ECT2: variants seen among roughly 807,000 people sequenced by gnomAD.
ECT2 encodes the protein protein ECT2.
A neutral mutation model predicts 116.9 loss-of-function variants in ECT2; 61 were observed. That is an observed-to-expected ratio of 0.52 (90% CI 0.42 to 0.65). ECT2 has a LOEUF of 0.65. Among genes scored for constraint, ECT2 ranks in the 30% least tolerant of loss-of-function variants. ECT2 has a pLI of 0.00. For synonymous variants in ECT2, 358 were observed against 346.4 expected, an observed-to-expected ratio of 1.03 and a Z score of -0.37; for missense variants, 937 against 1,078.7, an observed-to-expected ratio of 0.87 and a Z score of 1.84.
At chr3:172,756,264 A>C (rs1716958929) in intron 4 of ECT2, among the ~76,000 whole-genome samples, 1 of 152,196 alleles carries the variant, frequency 6.6e-6, no homozygotes, top group Non-Finnish European at 1.5e-5. Context: ...AATAAAATTC[A>C]AATAATTTAC....
At chr3:172,753,118 C>T (rs1017288301) in intron 1 of ECT2, among the ~76,000 whole-genome samples, 1 of 152,076 alleles carries the variant, frequency 6.6e-6, no homozygotes, top group Admixed American at 6.5e-5. Context: ...TTTAGAGAGA[C>T]AGGGTCTTGC....
downstream of ECT2, among the ~76,000 whole-genome samples, chr3:172,825,715 T>C (rs1359168923): frequency 3.3e-5 from 5 of 152,230 alleles, no homozygotes; most frequent in East Asian, 9.7e-4. Flanking sequence ...GGTTGGTTCA[T>C]GAGGAAAGAA....
rs1718578216 is a variant in ECT2, at chr3:172,762,792, G to A, written c.991G>A (p.Val331Ile). ...LPFEPSKKLY[V>I]VKQEWFWGSI... ...CTTTGAACCTTCAAAGAAACTTTAT[G>A]TTGTCAAGCAAGAGGCAAGTAATTC... The change falls in exon 10 of 25, where the codon GTT becomes ATT. Residue 331 changes from valine to isoleucine, a missense_variant. Transcript: ENST00000392692. The A allele has an allele frequency of 6.2e-7, 1 of 1,612,474 alleles. No individual in the cohort carries two copies. The highest frequency in any genetic ancestry group is 1.1e-5 in the South Asian group (1 of 90,630).
chr3:172,787,261 C>T (rs1264350322), intron 18 of ECT2, among the ~76,000 whole-genome samples: 1 of 152,094 alleles, frequency 6.6e-6, no homozygotes, highest in Non-Finnish European at 1.5e-5. Flanking sequence ...TTCTGAGATG[C>T]CAGGGTGCTT....
In ECT2 at chr3:172,783,914, TG is replaced by T; in HGVS notation, c.1728+6del. On this transcript the variant is annotated splice_donor_region_variant and intron_variant, in intron 16 of 24. Transcript: ENST00000392692. Reference sequence around the variant, plus strand: ...AGATTTCATGCTTTTCTCAAGGTAATGTGTGTTTCTTTCAAATAAAAATTTG... The same window carrying T: ...AGATTTCATGCTTTTCTCAAGGTAATTGTGTTTCTTTCAAATAAAAATTTG... 1 of 1,515,674 alleles carries T rather than the reference TG, an allele frequency of 6.6e-7. No homozygotes were observed. The allele number at this position is 1,515,674 out of a possible 1,614,324, so 93.9% of individuals were successfully genotyped here.
At chr3:172,776,198 C>CTTTTTTTTTTTTTTTTTTTTTTTT (rs60558773) in intron 14 of ECT2, among the ~76,000 whole-genome samples, 5 of 111,600 alleles carry the variant, frequency 4.5e-5, no homozygotes, top group African/African-American at 7.0e-5. Flanking sequence ...TCAGTTTTTT[C>CTTTTTTTTTTTTTTTTTTTTTTTT]TTTTTTTTTT....
At chr3:172,762,610 C>G in intron 9 of ECT2, 64 bp downstream of exon 9, 1 of 1,576,144 alleles carries the variant, frequency 6.3e-7, no homozygotes. Flanking sequence ...TAATCACTTC[C>G]TGGTCAATAT....
chr3:172,782,785 G>C (rs567651189), intron 15 of ECT2, among the ~76,000 whole-genome samples: 1 of 151,990 alleles, frequency 6.6e-6, no homozygotes, highest in Non-Finnish European at 1.5e-5. Context: ...GTGAGAACAT[G>C]TGATGTTTGG....
intron 14 of ECT2, among the ~76,000 whole-genome samples, chr3:172,777,670 A>C (rs1174335379): frequency 6.6e-6 from 1 of 152,198 alleles, no homozygotes; most frequent in Admixed American, 6.5e-5. Flanking sequence ...AGGCCGAGGC[A>C]AGTGGATTGC....
chr3:172,758,457 G>A (rs373985921), intron 5 of ECT2, among the ~76,000 whole-genome samples: 9 of 97,378 alleles, frequency 9.2e-5, no homozygotes, highest in African/African-American at 2.4e-4. Flanking sequence ...TTTTTAAACC[G>A]TTCTCTTTTA....
intron 23 of ECT2, 81 bp downstream of exon 23, chr3:172,815,792 C>T: frequency 2.3e-6 from 2 of 888,310 alleles, no homozygotes; most frequent in East Asian, 2.5e-5. Flanking sequence ...CTGCAAACAC[C>T]AGTATAAAGA....
intron 23 of ECT2, 61 bp from the exon 24 acceptor site, chr3:172,816,630 A>C: frequency 1.4e-6 from 2 of 1,446,018 alleles, no homozygotes; most frequent in Non-Finnish European, 1.9e-6. Flanking sequence ...TTTATGTTTA[A>C]ATATTCTCAT....
At chr3:172,791,413 A>G (rs1268084287) in intron 18 of ECT2, among the ~76,000 whole-genome samples, 1 of 152,194 alleles carries the variant, frequency 6.6e-6, no homozygotes, top group Non-Finnish European at 1.5e-5. Context: ...ACCTTCTTCT[A>G]CTGGAAGGCT....
intron 14 of ECT2, among the ~76,000 whole-genome samples, chr3:172,780,878 G>C (rs1020046706): frequency 2.6e-5 from 4 of 152,072 alleles, no homozygotes; most frequent in Non-Finnish European, 5.9e-5. Context: ...TCTGTTGCCT[G>C]TTTTTTGATT....
rs570282206 is a variant in ECT2, at chr3:172,803,834, T to TA, written c.2106+855dup. Among the ~76,000 whole-genome samples the TA allele has an allele frequency of 1.3e-4, 20 of 152,068 alleles. No individual in the cohort carries two copies. In the South Asian group the frequency reaches 3.7e-3, roughly 28 times the overall value. On this transcript the variant is annotated intron_variant, in intron 20 of 24. Coordinates refer to ENST00000392692, the MANE Select transcript of ECT2 (RefSeq NM_001258315.2). The stretch of plus-strand genomic sequence containing the variant: ...TTTCTTTTTTTTTTCGACAGGGTCT[T>TA]ACTCTCATTGCCCAGCTTGGAGTGC...
intron 18 of ECT2, among the ~76,000 whole-genome samples, chr3:172,788,482 A>G (rs559253292): frequency 6.6e-6 from 1 of 152,142 alleles, no homozygotes; most frequent in Non-Finnish European, 1.5e-5. Context: ...TGTCACCCCC[A>G]AAATTTACTC....
At chr3:172,824,521 CCCTA>C (rs1447447573), downstream of ECT2, among the ~76,000 whole-genome samples, 1 of 152,164 alleles carries the variant, frequency 6.6e-6, no homozygotes, top group Admixed American at 6.5e-5. Flanking sequence ...TCCCACCAGG[CCCTA>C]CCTCCAGCAT....
chr3:172,813,906 G>A (rs76070258), intron 22 of ECT2, among the ~76,000 whole-genome samples: 1 of 151,774 alleles, frequency 6.6e-6, no homozygotes, highest in Non-Finnish European at 1.5e-5. Flanking sequence ...TTGTTATGAA[G>A]AACATTTTAT....
rs1726990702 is a variant in ECT2, at chr3:172,802,927, C to T, written c.2053C>T (p.Pro685Ser). The T allele has an allele frequency of 1.6e-5, 26 of 1,613,116 alleles. No homozygotes were observed. Among genetic ancestry groups the T allele is most frequent in the Non-Finnish European group, 2.1e-5 (25 of 1,179,528 alleles). The change falls in exon 20 of 25, where the codon CCC (proline) becomes TCC (serine). Residue 685 changes from proline to serine, a missense_variant. Coordinates refer to ENST00000392692, the MANE Select transcript of ECT2 (RefSeq NM_001258315.2). Reference sequence around the variant, plus strand: ...TGAAACAATTTCTCTAGGTGAGCACCCCTGTGACAGAGGAGAACAAGTAAC... The same window carrying T: ...TGAAACAATTTCTCTAGGTGAGCACTCCTGTGACAGAGGAGAACAAGTAAC... Reference protein sequence around the residue: ...RVETISLGEHPCDRGEQVTLF... With the variant: ...RVETISLGEHSCDRGEQVTLF...
Sources: gnomAD v4.1 joint callset for allele counts (sites outside exome capture counted in the v4.1 genomes callset) on GRCh38, gnomAD v4.1.1 for gene constraint, MANE v1.5 for transcripts, NCBI Gene and HGNC (gene_info 2026-07-23, HGNC 2026-07-21) for gene names.